Variants in SPEN observed in about 807,000 individuals in gnomAD.
SPEN encodes spen family transcriptional repressor.
Under a neutral mutation model 269.9 loss-of-function variants are expected in SPEN, and 18 were observed. That is an observed-to-expected ratio of 0.07 (90% CI 0.05 to 0.10). The LOEUF (loss-of-function observed/expected upper bound fraction) is 0.10, where lower values mean the gene tolerates loss of function less well. Among genes scored for constraint, SPEN ranks in the 10% least tolerant of loss-of-function variants. SPEN has a pLI of 1.00. For missense variants in SPEN, 3,822 were observed against 4,631.2 expected, an observed-to-expected ratio of 0.83 and a Z score of 5.07; for synonymous variants, 1,726 against 1,765.7, an observed-to-expected ratio of 0.98 and a Z score of 0.56.
At position 15,934,635 on chromosome 1, in the gene SPEN, G is replaced by A; in HGVS notation, c.8395G>A (p.Asp2799Asn). ...GCCTGTGATCGACGATCGTCCGGCAGACGCGGGCTCAGGGGCGGGGCTGCG... is the reference window on the plus strand; with the variant it reads ...GCCTGTGATCGACGATCGTCCGGCAAACGCGGGCTCAGGGGCGGGGCTGCG... ...SMPVIDDRPA[D>N]AGSGAGLRVN... The change falls in exon 11 of 15, where the codon GAC becomes AAC. Residue 2799 changes from aspartate to asparagine, a missense_variant. By Grantham distance (23) the Asp-to-Asn change is conservative. Coordinates refer to ENST00000375759, the MANE Select transcript of SPEN (RefSeq NM_015001.3). The surrounding 1 kb of genome is among the most constrained non-coding windows in gnomAD (Gnocchi z 9.2). 1.2e-6 allele frequency: 2 copies of A among 1,613,992 alleles called. No individual in the cohort carries two copies. The highest frequency in any genetic ancestry group is 1.7e-6 in the Non-Finnish European group (2 of 1,179,872).
intron 3 of SPEN, among the ~76,000 whole-genome samples, chr1:15,888,162 G>T (rs980225505): frequency 6.6e-6 from 1 of 150,430 alleles, no homozygotes; most frequent in Admixed American, 6.6e-5. Flanking sequence ...AGGCTGGAGT[G>T]CAGTGGTGCT....
chr1:15,857,680 A>T (rs934086297), intron 1 of SPEN, among the ~76,000 whole-genome samples: 8 of 58,746 alleles, frequency 1.4e-4, no homozygotes, highest in African/African-American at 4.7e-4. Flanking sequence ...TTATTTTCAT[A>T]AAAAAATTGT....
At chr1:15,924,531 G>T (rs2071149346) in intron 10 of SPEN, among the ~76,000 whole-genome samples, 1 of 152,046 alleles carries the variant, frequency 6.6e-6, no homozygotes, top group Non-Finnish European at 1.5e-5. Context: ...TGCAATCTTG[G>T]CTTACCGCAA....
chr1:15,913,725 C>CA (rs2071032422), intron 5 of SPEN, among the ~76,000 whole-genome samples: 1 of 151,796 alleles, frequency 6.6e-6, no homozygotes, highest in Non-Finnish European at 1.5e-5. Flanking sequence ...CCCATCTCTA[C>CA]AAAAAATAAA....
At chr1:15,914,093 A>C (rs2071035233) in intron 5 of SPEN, among the ~76,000 whole-genome samples, 1 of 152,206 alleles carries the variant, frequency 6.6e-6, no homozygotes, top group Non-Finnish European at 1.5e-5. Flanking sequence ...GATATGCAGA[A>C]TATATGGAGA....
rs778976188 is a variant in SPEN, at chr1:15,932,838, C to T, written c.6598C>T (p.Pro2200Ser). Residue 2200 changes from proline to serine, a missense_variant, in exon 11 of 15, where the codon CCA becomes TCA. Transcript: ENST00000375759. The surrounding 1 kb of genome is among the most constrained non-coding windows in gnomAD (Gnocchi z 4.2). Reference sequence around the variant, plus strand: ...GGCAGATGCACCAGAGGGCCTTGCCCCAGAGGACAGGGACAAGCCTGCACA... The same window carrying T: ...GGCAGATGCACCAGAGGGCCTTGCCTCAGAGGACAGGGACAAGCCTGCACA... The part of the protein sequence containing the change: ...YKADAPEGLA[P>S]EDRDKPAHQA... 13 of 1,614,078 alleles carry T rather than the reference C, an allele frequency of 8.1e-6. No homozygotes were observed. The Admixed American group carries it at 8.3e-5, about 10-fold the overall frequency.
At chr1:15,913,313 G>GT (rs917307548) in intron 5 of SPEN, among the ~76,000 whole-genome samples, 2 of 152,062 alleles carry the variant, frequency 1.3e-5, no homozygotes, top group Non-Finnish European at 2.9e-5. Flanking sequence ...AGTTCAAGAA[G>GT]TTTTTTCCCA....
rs747427891 is a variant in SPEN, at chr1:15,876,501, G to T, written c.704G>T (p.Arg235Leu). ...TREVRGRRPERNYQHSRSRSP... is the reference protein window; with the variant it reads ...TREVRGRRPELNYQHSRSRSP... The stretch of plus-strand genomic sequence containing the variant: ...GAGGTACGAGGCAGAAGGCCAGAGC[G>T]GAATTACCAGCACAGCAGGAGTCGG... Residue 235 changes from arginine to leucine, a missense_variant, in exon 3 of 15, where the codon CGG (arginine) becomes CTG (leucine). Coordinates refer to ENST00000375759, the MANE Select transcript of SPEN (RefSeq NM_015001.3). The T allele has an allele frequency of 3.1e-6, 5 of 1,614,104 alleles. No individual in the cohort carries two copies. Among genetic ancestry groups the T allele is most frequent in the Non-Finnish European group, 3.4e-6 (4 of 1,180,018 alleles).
rs141410317 is a variant in SPEN, at chr1:15,931,816, G to A, written c.5576G>A (p.Arg1859Gln). 6 of 1,614,092 alleles carry A rather than the reference G, an allele frequency of 3.7e-6. No individual in the cohort carries two copies. The highest frequency in any genetic ancestry group is 1.6e-4 in the Middle Eastern group (1 of 6,082). ...AAACTCAAGCGGTCCAATTCTCCTC[G>A]GGGAGAAGCACAGAAGCTTTTGGAA... is the stretch of plus-strand genomic sequence containing the variant. ...REKLKRSNSP[R>Q]GEAQKLLELK... The change falls in exon 11 of 15, where the codon CGG (arginine) becomes CAG (glutamine). Residue 1859 changes from arginine (R) to glutamine (Q), a missense_variant. Physicochemically the swap from Arg to Gln is conservative, Grantham distance 43 (BLOSUM62 1). Transcript: ENST00000375759. This position sits in a 1 kb window ranked among gnomAD's most constrained non-coding sequence, Gnocchi z 4.8.
intron 1 of SPEN, among the ~76,000 whole-genome samples, chr1:15,869,936 G>A (rs1467221947): frequency 6.6e-6 from 1 of 151,654 alleles, no homozygotes; most frequent in Non-Finnish European, 1.5e-5. Flanking sequence ...GCGTGGTCTT[G>A]TCTCACTGCA....
intron 1 of SPEN, among the ~76,000 whole-genome samples, chr1:15,868,520 C>T (rs867929090): frequency 2.0e-5 from 3 of 151,544 alleles, no homozygotes; most frequent in African/African-American, 4.9e-5. Context: ...CTGCAAGCTC[C>T]GCCTCCCGGG....
At position 15,930,054 on chromosome 1, in the gene SPEN, G is replaced by A; in HGVS notation, c.3814G>A (p.Asp1272Asn). 5 of 1,614,212 alleles carry A rather than the reference G, an allele frequency of 3.1e-6. No individual in the cohort carries two copies. Among genetic ancestry groups the A allele is most frequent in the Non-Finnish European group, 4.2e-6 (5 of 1,180,040 alleles). Reference protein sequence around the residue: ...PSVRHGSFHEDEDPIGSPRLL... With the variant: ...PSVRHGSFHENEDPIGSPRLL... ...TGTCCGACATGGTTCCTTCCATGAA[G>A]ATGAGGATCCCATAGGCTCCCCTAG... The change falls in exon 11 of 15, where the codon GAT becomes AAT. Residue 1272 changes from aspartate to asparagine, a missense_variant. Asp to Asn is a conservative substitution (Grantham distance 23, BLOSUM62 1). Around this residue, in one of 16 missense-constraint regions of SPEN, gnomAD observed 267 missense variants for 315.5 expected, o/e 0.85. Transcript: ENST00000375759. The surrounding 1 kb of genome is among the most constrained non-coding windows in gnomAD (Gnocchi z 5.3).
intron 10 of SPEN, 47 bp downstream of exon 10, chr1:15,922,396 A>C: frequency 7.5e-7 from 1 of 1,328,668 alleles, no homozygotes; most frequent in Non-Finnish European, 1.0e-6. Context: ...TAATAGTTTT[A>C]ATACAGAAAC....
chr1:15,852,455 T>C (rs1427063407), intron 1 of SPEN, among the ~76,000 whole-genome samples: 1 of 152,112 alleles, frequency 6.6e-6, no homozygotes, highest in Non-Finnish European at 1.5e-5. Flanking sequence ...TACAGAATAA[T>C]ACAGAAAAAT....
At chr1:15,895,372 T>C (rs2070832370) in intron 3 of SPEN, among the ~76,000 whole-genome samples, 1 of 152,222 alleles carries the variant, frequency 6.6e-6, no homozygotes, top group African/African-American at 2.4e-5. Context: ...TCTGTCCTCA[T>C]GAATTCTTGA....
chr1:15,921,873 C>T (rs2071122938), intron 9 of SPEN, among the ~76,000 whole-genome samples: 1 of 152,140 alleles, frequency 6.6e-6, no homozygotes, highest in Non-Finnish European at 1.5e-5. Context: ...CTTTGAGGCC[C>T]AGCTGTGAAT....
intron 3 of SPEN, among the ~76,000 whole-genome samples, chr1:15,895,234 A>G (rs1041980567): frequency 6.6e-5 from 10 of 152,014 alleles, no homozygotes; most frequent in African/African-American, 1.9e-4. Flanking sequence ...CATTTTAACC[A>G]TTTTTAAGTG....
At chr1:15,883,024 A>T (rs1352130335) in intron 3 of SPEN, among the ~76,000 whole-genome samples, 1 of 152,240 alleles carries the variant, frequency 6.6e-6, no homozygotes, top group African/African-American at 2.4e-5. Context: ...GCAATGGGTG[A>T]CAGGGTCACT....
chr1:15,895,612 T>C (rs2070834231), intron 3 of SPEN, among the ~76,000 whole-genome samples: 1 of 152,214 alleles, frequency 6.6e-6, no homozygotes, highest in South Asian at 2.1e-4. Context: ...TACCAAAAGA[T>C]AGTAGTAAAC....
Sources: allele counts gnomAD v4.1 joint callset (sites outside exome capture counted in the v4.1 genomes callset), GRCh38; gene constraint gnomAD v4.1.1; regional missense constraint gnomAD v4.1.1; non-coding constraint Gnocchi (gnomAD v3.1); transcripts MANE v1.5; gene names NCBI Gene and HGNC (gene_info 2026-07-23, HGNC 2026-07-21).